Variants in CA10 observed in about 807,000 individuals in gnomAD.
The protein encoded by CA10 is carbonic anhydrase 10 (inactive).
Under a neutral mutation model 44.2 loss-of-function variants are expected in CA10, and 14 were observed. That is an observed-to-expected ratio of 0.32 (90% CI 0.21 to 0.50). The LOEUF (loss-of-function observed/expected upper bound fraction) is 0.50. CA10 is among the 20% of genes least tolerant of loss of function. The pLI is 0.99. For synonymous variants in CA10, 159 were observed against 141.6 expected (o/e 1.12, Z -0.87); for missense variants, 350 against 409.7 (o/e 0.85, Z 1.26).
intron 2 of CA10, among the ~76,000 whole-genome samples, chr17:51,996,534 G>A (rs1985243170): frequency 6.6e-6 from 1 of 151,978 alleles, no homozygotes; most frequent in African/African-American, 2.4e-5. Flanking sequence ...AATCTTCCCA[G>A]TGTGGCCCTC....
chr17:51,908,764 C>A (rs919367270), intron 3 of CA10, among the ~76,000 whole-genome samples: 4 of 152,146 alleles, frequency 2.6e-5, no homozygotes, highest in Admixed American at 2.0e-4. Flanking sequence ...CCAAATGACT[C>A]CTGTCGCATT....
rs146625244 is a variant in CA10 at position 51,985,268 on chromosome 17, A to G, written c.137-54136T>C. ...ATGTATAATTAAAAACAAAGACTAC[A>G]TGATCATCTTAATAGATGCAGAAAA... On this transcript the variant is annotated intron_variant, in intron 2 of 8. Coordinates refer to ENST00000451037, the MANE Select transcript of CA10 (RefSeq NM_020178.5). Among the ~76,000 whole-genome samples, 181 of 152,220 alleles carry G rather than the reference A, an allele frequency of 1.2e-3. 5 individuals carry two copies. The South Asian group carries it at 0.022, about 18-fold the overall frequency.
intron 2 of CA10, among the ~76,000 whole-genome samples, chr17:52,009,698 A>G (rs1178098583): frequency 1.3e-5 from 2 of 152,044 alleles, no homozygotes; most frequent in Non-Finnish European, 2.9e-5. Flanking sequence ...ATGATTCAAA[A>G]CTCACATTTT....
intron 1 of CA10, among the ~76,000 whole-genome samples, chr17:52,095,521 A>T (rs925655269): frequency 1.3e-5 from 2 of 152,302 alleles, no homozygotes; most frequent in East Asian, 1.9e-4. Context: ...GTCATGGCAA[A>T]TGGAAATATA....
chr17:51,639,302 G>A (rs1356682426), intron 6 of CA10, among the ~76,000 whole-genome samples: 1 of 152,118 alleles, frequency 6.6e-6, no homozygotes, highest in Non-Finnish European at 1.5e-5. Context: ...TTTTATTCGG[G>A]GCGGTGGGGA....
chr17:51,860,576 T>C (rs1450773143), intron 3 of CA10, among the ~76,000 whole-genome samples: 1 of 152,200 alleles, frequency 6.6e-6, no homozygotes, highest in East Asian at 1.9e-4. Context: ...TCCTAGACAG[T>C]CTTGGAGGAT....
intron 3 of CA10, among the ~76,000 whole-genome samples, chr17:51,920,482 G>T (rs908991560): frequency 6.6e-6 from 1 of 152,146 alleles, no homozygotes. Context: ...GGAACATGAT[G>T]CAGGAAAGAA....
chr17:51,903,547 A>G (rs1981411795), intron 3 of CA10, among the ~76,000 whole-genome samples: 1 of 152,152 alleles, frequency 6.6e-6, no homozygotes, highest in South Asian at 2.1e-4. Context: ...TCATAGTAAA[A>G]CATTAGATCC....
intron 4 of CA10, among the ~76,000 whole-genome samples, chr17:51,740,714 C>T (rs1904421936): frequency 6.6e-6 from 1 of 152,164 alleles, no homozygotes; most frequent in African/African-American, 2.4e-5. Flanking sequence ...GCTCATGCTG[C>T]TTCCGCTCTT....
At chr17:51,805,761 A>C (rs1195233326) in intron 3 of CA10, among the ~76,000 whole-genome samples, 1 of 152,156 alleles carries the variant, frequency 6.6e-6, no homozygotes, top group Non-Finnish European at 1.5e-5. Flanking sequence ...ACCCATTTAC[A>C]GTAACTCCCC....
At position 51,930,987 on chromosome 17, in the gene CA10, T is replaced by G. The variant is rs748016552; in HGVS notation, c.279+3A>C. The G allele has an allele frequency of 6.2e-7, 1 of 1,613,014 alleles. No homozygotes were observed. The highest frequency in any genetic ancestry group is 8.5e-7 in the Non-Finnish European group (1 of 1,179,436). ...TTACCATGGAAGCAATATGGTGGCTTACCTTCCTGCCCCCCGTGTTGATGC... is the reference window on the plus strand; with the variant it reads ...TTACCATGGAAGCAATATGGTGGCTGACCTTCCTGCCCCCCGTGTTGATGC... On this transcript the variant is annotated splice_donor_region_variant and intron_variant, in intron 3 of 8. Transcript: ENST00000451037.
At position 51,917,577 on chromosome 17, in the gene CA10, G is replaced by A. The variant is rs116959209; in HGVS notation, c.279+13413C>T. On this transcript the variant is annotated intron_variant, in intron 3 of 8. Coordinates refer to ENST00000451037, the MANE Select transcript of CA10 (RefSeq NM_020178.5). ...TCTGCTTAGCTTCTGGGGAAGCCTC[G>A]GGGAGTTTTTACTCATGGCAGAAAA... Among the ~76,000 whole-genome samples, 870 of 152,290 alleles carry A rather than the reference G, an allele frequency of 5.7e-3. 7 individuals carry two copies. The highest frequency in any genetic ancestry group is 8.8e-3 in the Non-Finnish European group (600 of 68,016).
intron 4 of CA10, among the ~76,000 whole-genome samples, chr17:51,745,573 C>T (rs911095662): frequency 6.6e-6 from 1 of 151,060 alleles, no homozygotes; most frequent in Non-Finnish European, 1.5e-5. Context: ...AAAATTCATA[C>T]ACTAAGAGAT....
intron 3 of CA10, among the ~76,000 whole-genome samples, chr17:51,792,954 G>T (rs1229402801): frequency 6.6e-6 from 1 of 152,202 alleles, no homozygotes; most frequent in Non-Finnish European, 1.5e-5. Flanking sequence ...CTTGCCCAAG[G>T]TTGGCCATAT....
chr17:51,959,797 G>GAAAAAAAAAAAAAAAAAAGAAAAA (rs3062037), intron 2 of CA10, among the ~76,000 whole-genome samples: 1 of 112,374 alleles, frequency 8.9e-6, no homozygotes, highest in Admixed American at 1.0e-4. Context: ...CTGCTAAGAT[G>GAAAAAAAAAAAAAAAAAAGAAAAA]AAAAAAAAAA....
At chr17:51,809,484 C>G (rs976899261) in intron 3 of CA10, among the ~76,000 whole-genome samples, 1 of 152,218 alleles carries the variant, frequency 6.6e-6, no homozygotes, top group African/African-American at 2.4e-5. Context: ...CTCTGTCCCA[C>G]AGAAGGACAG....
intron 2 of CA10, among the ~76,000 whole-genome samples, chr17:52,019,188 G>C (rs1445938066): frequency 6.6e-6 from 1 of 151,992 alleles, no homozygotes; most frequent in East Asian, 1.9e-4. Flanking sequence ...GCACAAAACA[G>C]ACACACATAA....
At chr17:51,876,436 GC>G (rs1948610353) in intron 3 of CA10, among the ~76,000 whole-genome samples, 1 of 150,972 alleles carries the variant, frequency 6.6e-6, no homozygotes, top group Admixed American at 6.6e-5. Context: ...TCCTGCCTTG[GC>G]CTCTCAGAGT....
chr17:51,791,893 A>G (rs1906531605), intron 3 of CA10, among the ~76,000 whole-genome samples: 1 of 152,070 alleles, frequency 6.6e-6, no homozygotes, highest in Admixed American at 6.6e-5. Context: ...TTGAACCTTT[A>G]TTTTAGAACC....
Sources: gnomAD v4.1 joint callset for allele counts (sites outside exome capture counted in the v4.1 genomes callset) on GRCh38, gnomAD v4.1.1 for gene constraint, MANE v1.5 for transcripts, NCBI Gene and HGNC (gene_info 2026-07-23, HGNC 2026-07-21) for gene names.